Variants in PCDHA6 observed in about 807,000 individuals in gnomAD.
PCDHA6 encodes protocadherin alpha 6, also known as protocadherin alpha-6.
PCDHA6 carries 55 observed loss-of-function variants against 60.3 expected under a neutral mutation model. The ratio of observed to expected loss-of-function variants is 0.91; its 90% CI spans 0.73 to 1.14. PCDHA6 has a LOEUF of 1.14. PCDHA6 is among the 50% of genes most tolerant of loss of function. The pLI is 0.00. For synonymous variants in PCDHA6, 652 were observed against 557.9 expected (o/e 1.17, Z -2.38); for missense variants, 1,327 against 1,256.5 (o/e 1.06, Z -0.85).
intron 1 of PCDHA6, among the ~76,000 whole-genome samples, chr5:140,948,364 G>C (rs1554218529): frequency 6.6e-6 from 1 of 151,472 alleles, no homozygotes; most frequent in African/African-American, 2.4e-5. Flanking sequence ...AAATGACTTA[G>C]GAGGTGTTCC....
intron 1 of PCDHA6, chr5:140,926,959 G>A: frequency 6.2e-7 from 1 of 1,604,022 alleles, no homozygotes; most frequent in Non-Finnish European, 8.5e-7. Context: ...GGGACAGCTC[G>A]AGTACTCAGT....
intron 1 of PCDHA6, chr5:140,968,997 G>A (rs1459602291): frequency 6.2e-7 from 1 of 1,614,092 alleles, no homozygotes; most frequent in African/African-American, 1.3e-5. Flanking sequence ...TGCTGTGGAG[G>A]CTTCTGTGGA....
Position 140,876,293 on chromosome 5 carries a change from A to G in PCDHA6, c.2394+45808A>G, listed in dbSNP as rs201253884. Reference sequence around the variant, plus strand: ...GCTTCCGATCCAGACGAAGGACTTAATGGAGAAATTTCCTATGGGATCAAA... The same window carrying G: ...GCTTCCGATCCAGACGAAGGACTTAGTGGAGAAATTTCCTATGGGATCAAA... On this transcript the variant is annotated intron_variant, in intron 1 of 3. Transcript: ENST00000529310. The G allele has an allele frequency of 9.9e-6, 16 of 1,613,942 alleles. No homozygotes were observed. The highest frequency in any genetic ancestry group is 2.5e-6 in the Non-Finnish European group (3 of 1,179,906).
In PCDHA6 at chr5:140,970,051, C is replaced by T. The variant is rs915260486; in HGVS notation, c.2395-8898C>T. 4.0e-5 allele frequency among the ~76,000 whole-genome samples: 6 copies of T among 151,880 alleles called. No individual in the cohort carries two copies. The South Asian group carries it at 1.2e-3, about 32-fold the overall frequency. On this transcript the variant is annotated intron_variant, in intron 1 of 3. Coordinates refer to ENST00000529310, the MANE Select transcript of PCDHA6 (RefSeq NM_018909.4). Reference sequence around the variant, plus strand: ...TTAAGTACCAATTTGTCTGGTTGGTCCAGGGAGGTATTAGAATGAGTGGAT... The same window carrying T: ...TTAAGTACCAATTTGTCTGGTTGGTTCAGGGAGGTATTAGAATGAGTGGAT...
chr5:140,885,480 A>G (rs782437070), intron 1 of PCDHA6, among the ~76,000 whole-genome samples: 7 of 152,158 alleles, frequency 4.6e-5, no homozygotes, highest in Non-Finnish European at 7.4e-5. Context: ...ACTTTGTGTC[A>G]AGTGTTCTGT....
chr5:140,838,779 A>G (rs1039097840), intron 1 of PCDHA6, among the ~76,000 whole-genome samples: 2 of 152,056 alleles, frequency 1.3e-5, no homozygotes, highest in Admixed American at 6.5e-5. Flanking sequence ...AAAATTAGCT[A>G]TGCATGGTGA....
At position 140,856,829 on chromosome 5, in the gene PCDHA6, A is replaced by G. The variant is rs781823533; in HGVS notation, c.2394+26344A>G. The G allele has an allele frequency of 3.4e-5, 54 of 1,592,340 alleles. 7 individuals are homozygous for G. The highest frequency in any genetic ancestry group is 4.6e-5 in the Non-Finnish European group (54 of 1,162,524). ...AAATCAAGTGAACCAAACATTAGTA[A>G]TACGGCTCAACGCTTCTGATTCGGA... On this transcript the variant is annotated intron_variant, in intron 1 of 3. Coordinates refer to ENST00000529310, the MANE Select transcript of PCDHA6 (RefSeq NM_018909.4).
chr5:140,877,743 G>C, intron 1 of PCDHA6: 1 of 1,614,148 alleles, frequency 6.2e-7, no homozygotes, highest in Non-Finnish European at 8.5e-7. Flanking sequence ...GGAGGCAGAG[G>C]GTGTGCTCTG....
At chr5:140,848,356 A>G in intron 1 of PCDHA6, 1 of 1,038,310 alleles carries the variant, frequency 9.6e-7, no homozygotes, top group Non-Finnish European at 1.4e-6. Context: ...CCCTTTTCCC[A>G]TGGGAAAGAG....
intron 1 of PCDHA6, chr5:140,842,137 A>C (rs2150330187): frequency 1.2e-6 from 2 of 1,613,874 alleles, no homozygotes; most frequent in South Asian, 2.2e-5. Flanking sequence ...CGGATGAAGG[A>C]GCCAATGGGG....
At chr5:140,858,581 T>C in intron 1 of PCDHA6, 1 of 1,350,098 alleles carries the variant, frequency 7.4e-7, no homozygotes, top group South Asian at 1.4e-5. Context: ...CTTTGTAATA[T>C]AATTTATTCC....
chr5:140,933,032 G>A (rs1425582468), intron 1 of PCDHA6, among the ~76,000 whole-genome samples: 1 of 152,016 alleles, frequency 6.6e-6, no homozygotes, highest in Non-Finnish European at 1.5e-5. Flanking sequence ...AGAACTTCAA[G>A]TGAATATGGA....
chr5:140,890,515 T>C (rs996565867), intron 1 of PCDHA6, among the ~76,000 whole-genome samples: 2 of 152,198 alleles, frequency 1.3e-5, no homozygotes, highest in African/African-American at 4.8e-5. Context: ...CTCTATTTCC[T>C]TCCTTTGTTG....
rs2150179482 is a variant in PCDHA6, at chr5:140,830,012, G to T, written c.1921G>T (p.Asp641Tyr). 5.0e-6 allele frequency: 8 copies of T among 1,613,802 alleles called. No individual in the cohort carries two copies. In the Admixed American group the frequency reaches 1.0e-4, roughly 20 times the overall value. The part of the protein sequence containing the change: ...ISTTRVLDEA[D>Y]SPRHRLLVLV... ...CACCACTCGTGTCCTGGACGAAGCG[G>T]ACTCTCCGCGCCACCGGCTGCTGGT... The change falls in exon 1 of 4, where the codon GAC (aspartate) becomes TAC (tyrosine). Residue 641 changes from aspartate to tyrosine, a missense_variant. Physicochemically the swap from Asp to Tyr is radical, Grantham distance 160. Coordinates refer to ENST00000529310, the MANE Select transcript of PCDHA6 (RefSeq NM_018909.4).
intron 1 of PCDHA6, among the ~76,000 whole-genome samples, chr5:140,899,650 T>C (rs1174353279): frequency 5.3e-5 from 8 of 152,192 alleles, no homozygotes; most frequent in African/African-American, 1.7e-4. Flanking sequence ...TCTTATTTGG[T>C]TGTGTCTCTG....
At position 140,830,486 on chromosome 5, in the gene PCDHA6, G is replaced by A. The variant is rs2150187168; in HGVS notation, c.2394+1G>A. On this transcript the variant is annotated splice_donor_variant, in intron 1 of 3. Transcript: ENST00000529310. LOFTEE classifies it high-confidence loss of function. The stretch of plus-strand genomic sequence containing the variant: ...TTTAAATGAAGATCATGATGCCAAA[G>A]TAAGTGAATTTTCATAATTAACAGT... 3 of 1,500,990 alleles carry A rather than the reference G, an allele frequency of 2.0e-6. No homozygotes were observed. In the East Asian group the frequency reaches 7.1e-5, roughly 36 times the overall value. The allele number at this position is 1,500,990 out of a possible 1,614,324, so 93.0% of individuals were successfully genotyped here.
intron 1 of PCDHA6, chr5:140,869,367 T>G (rs2051076893): frequency 6.2e-7 from 1 of 1,614,002 alleles, no homozygotes; most frequent in South Asian, 1.1e-5. Context: ...TTGTGAATTC[T>G]CGGATCGACC....
intron 1 of PCDHA6, among the ~76,000 whole-genome samples, chr5:140,958,025 A>G (rs920360369): frequency 1.3e-5 from 2 of 152,150 alleles, no homozygotes; most frequent in Non-Finnish European, 2.9e-5. Flanking sequence ...CAAGTATACT[A>G]TGCTTTCTTT....
chr5:140,954,845 C>T (rs1479368081), intron 1 of PCDHA6, among the ~76,000 whole-genome samples: 2 of 152,140 alleles, frequency 1.3e-5, no homozygotes, highest in African/African-American at 4.8e-5. Context: ...AAATCTTTGC[C>T]TGTGCCTATG....
Sources: allele counts gnomAD v4.1 joint callset (sites outside exome capture counted in the v4.1 genomes callset), GRCh38; gene constraint gnomAD v4.1.1; transcripts MANE v1.5; gene names NCBI Gene and HGNC (gene_info 2026-07-23, HGNC 2026-07-21).